Variants in CACNA1A observed in about 807,000 individuals in gnomAD.
CACNA1A encodes voltage-dependent P/Q-type calcium channel subunit alpha-1A.
Under a neutral mutation model 262.4 loss-of-function variants are expected in CACNA1A, and 57 were observed. The ratio of observed to expected loss-of-function variants is 0.22; its 90% CI spans 0.18 to 0.27. The LOEUF is 0.27. Ranked by LOEUF, CACNA1A falls within the 10% of genes least tolerant of loss-of-function variation. CACNA1A has a pLI of 1.00. For missense variants in CACNA1A, 2,526 were observed against 3,562.8 expected (o/e 0.71, Z 7.41); for synonymous variants, 1,431 against 1,419.3 (o/e 1.01, Z -0.18).
chr19:13,208,728 G>A, intron 46 of CACNA1A, 28 bp downstream of exon 46: 1 of 1,556,216 alleles, frequency 6.4e-7, no homozygotes, highest in Non-Finnish European at 8.6e-7. Flanking sequence ...GCCGAGCCCA[G>A]CCTGGGGTCA....
In CACNA1A at chr19:13,317,218, G is replaced by A; in HGVS notation, c.1449C>T (p.Val483=). 1 of 1,613,742 alleles carries A rather than the reference G, an allele frequency of 6.2e-7. No individual in the cohort carries two copies. The highest frequency in any genetic ancestry group is 8.5e-7 in the Non-Finnish European group (1 of 1,179,756). ...CAGTCCAGTAGAAGGCCTGAGTTTT[G>A]ACCATGCGGCGGATGTAGAAACGCA... The part of the protein sequence containing the change: ...RRMRFYIRRM[V]KTQAFYWTVL... The change falls in exon 11 of 47, where the codon GTC becomes GTT. Residue 483 remains valine, a synonymous_variant. Transcript: ENST00000360228.
intron 31 of CACNA1A, among the ~76,000 whole-genome samples, chr19:13,242,060 C>T (rs1014323654): frequency 1.2e-4 from 19 of 152,174 alleles, no homozygotes; most frequent in African/African-American, 4.6e-4. Flanking sequence ...ACCTCCTTGC[C>T]TGCCAGGACA....
intron 19 of CACNA1A, 54 bp from the exon 20 acceptor site, chr19:13,287,020 C>A (rs909551463): frequency 7.2e-7 from 1 of 1,389,136 alleles, no homozygotes; most frequent in Non-Finnish European, 9.8e-7. Flanking sequence ...GGATAAAAGG[C>A]AACAGTTCAG....
chr19:13,339,605 G>A (rs768814549), intron 6 of CACNA1A, among the ~76,000 whole-genome samples: 1 of 152,172 alleles, frequency 6.6e-6, no homozygotes. Flanking sequence ...AAAGGTCTGA[G>A]AAGATGGATA....
intron 1 of CACNA1A, among the ~76,000 whole-genome samples, chr19:13,458,589 C>G (rs1253983516): frequency 3.3e-5 from 5 of 152,178 alleles, no homozygotes. Context: ...CAGTAAGTAT[C>G]TCTAGATGCC....
chr19:13,432,900 T>C (rs150822085), intron 3 of CACNA1A, among the ~76,000 whole-genome samples: 3,533 of 152,216 alleles, frequency 0.023, 133 homozygotes, highest in African/African-American at 0.078. Context: ...GGCTCATGTC[T>C]GTAATCCTAG....
chr19:13,210,373 G>C (rs918627176), intron 44 of CACNA1A, among the ~76,000 whole-genome samples: 1 of 152,130 alleles, frequency 6.6e-6, no homozygotes, highest in East Asian at 1.9e-4. Context: ...CCGGCGTGGG[G>C]GGCCCTGAAG....
At chr19:13,264,711 CCCTCCGACAGCAT>C (rs1430201808) in intron 24 of CACNA1A, among the ~76,000 whole-genome samples, 1 of 152,196 alleles carries the variant, frequency 6.6e-6, no homozygotes, top group East Asian at 1.9e-4. Flanking sequence ...ACCTGTTGCT[CCCTCCGACAGCAT>C]TTCCTGACTG....
intron 24 of CACNA1A, chr19:13,274,336 A>C (rs2057096481): frequency 6.6e-6 from 1 of 152,172 alleles, no homozygotes; most frequent in African/African-American, 2.4e-5. Flanking sequence ...TCTACTGGAA[A>C]TGGGCCACTA....
chr19:13,349,219 G>C (rs901799178), intron 6 of CACNA1A, among the ~76,000 whole-genome samples: 30 of 152,028 alleles, frequency 2.0e-4, no homozygotes, highest in African/African-American at 7.0e-4. Flanking sequence ...TTTCCTCACA[G>C]GGCTGTTTTA....
intron 38 of CACNA1A, among the ~76,000 whole-genome samples, 181 bp downstream of exon 38, chr19:13,224,486 C>CAAA (rs71168691): frequency 8.8e-6 from 1 of 113,366 alleles, no homozygotes; most frequent in East Asian, 3.6e-4. Flanking sequence ...GACTCTGTCT[C>CAAA]AAAAAAAAAA....
intron 4 of CACNA1A, chr19:13,371,348 ACT>A (rs2059319718): frequency 4.6e-6 from 1 of 218,038 alleles, no homozygotes; most frequent in Non-Finnish European, 9.2e-6. Flanking sequence ...TGTTTCAGCC[ACT>A]CTGAGCCTCA....
At position 13,317,278 on chromosome 19, in the gene CACNA1A, C is replaced by T. The variant is rs886043657; in HGVS notation, c.1389G>A (p.Glu463=). The change falls in exon 11 of 47, where the codon GAG becomes GAA. Residue 463 remains glutamate (E), a synonymous_variant. Transcript: ENST00000360228. Reference sequence around the variant, plus strand: ...CCTTTTTGTGAAAAAAGGTCGAGTTCTCCAGCTTGGCACTTTTAATGCTGG... The same window carrying T: ...CCTTTTTGTGAAAAAAGGTCGAGTTTTCCAGCTTGGCACTTTTAATGCTGG... ...ARASIKSAKL[E]NSTFFHKKER... 3.1e-6 allele frequency: 5 copies of T among 1,612,274 alleles called. No homozygotes were observed. The Admixed American group carries it at 8.3e-5, about 27-fold the overall frequency.
rs76337445 is a variant in CACNA1A, at chr19:13,486,782, C to A, written c.293+19150G>T. ...TTTTCCCTCACCATTGCCTTCCTTGCACTTCCTCCATCCAGGTCCTTCTCT... is the reference window on the plus strand; with the variant it reads ...TTTTCCCTCACCATTGCCTTCCTTGAACTTCCTCCATCCAGGTCCTTCTCT... On this transcript the variant is annotated intron_variant, in intron 1 of 46. Transcript: ENST00000360228. Among the ~76,000 whole-genome samples the A allele has an allele frequency of 5.1e-3, 770 of 152,102 alleles. 7 individuals are homozygous for A. The highest frequency in any genetic ancestry group is 0.018 in the African/African-American group (729 of 41,490).
chr19:13,246,573 C>T (rs2056240562), intron 30 of CACNA1A, among the ~76,000 whole-genome samples: 1 of 152,104 alleles, frequency 6.6e-6, no homozygotes, highest in Non-Finnish European at 1.5e-5. Context: ...ATCCTGACTG[C>T]TGCATTCCTG....
chr19:13,371,941 T>G (rs1393940639), intron 3 of CACNA1A, among the ~76,000 whole-genome samples, 162 bp from the exon 4 acceptor site: 1 of 152,088 alleles, frequency 6.6e-6, no homozygotes, highest in Non-Finnish European at 1.5e-5. Context: ...AAAATGGTCT[T>G]AACAGTACCT....
At chr19:13,346,098 T>C (rs1262088509) in intron 6 of CACNA1A, among the ~76,000 whole-genome samples, 2 of 152,146 alleles carry the variant, frequency 1.3e-5, no homozygotes, top group African/African-American at 4.8e-5. Context: ...GAGACGGGGT[T>C]TCGCCATGTT....
chr19:13,309,158 G>A (rs772229779), intron 12 of CACNA1A, among the ~76,000 whole-genome samples: 3 of 151,962 alleles, frequency 2.0e-5, no homozygotes, highest in East Asian at 1.9e-4. Flanking sequence ...ACAGGCACCC[G>A]CCACCACGCC....
intron 24 of CACNA1A, among the ~76,000 whole-genome samples, chr19:13,266,317 C>T (rs767260386): frequency 7.9e-5 from 12 of 151,926 alleles, no homozygotes; most frequent in Non-Finnish European, 1.6e-4. Flanking sequence ...AGTGATCCTT[C>T]AGTCTCAGCC....
Sources: gnomAD v4.1 joint callset for allele counts (sites outside exome capture counted in the v4.1 genomes callset) on GRCh38, gnomAD v4.1.1 for gene constraint, MANE v1.5 for transcripts, NCBI Gene and HGNC (gene_info 2026-07-23, HGNC 2026-07-21) for gene names.